TTN: variants seen among roughly 807,000 people sequenced by gnomAD.
TTN encodes titin, also known as connectin.
Under a neutral mutation model 3,223.0 loss-of-function variants are expected in TTN, and 1,525 were observed. The observed-to-expected ratio is 0.47, with a 90% CI of 0.45 to 0.49. The LOEUF (loss-of-function observed/expected upper bound fraction) is 0.49, where lower values mean the gene tolerates loss of function less well. Among genes scored for constraint, TTN ranks in the 20% least tolerant of loss-of-function variants. TTN has a pLI of 0.00. For missense variants in TTN, 40,786 were observed against 43,424.0 expected, an observed-to-expected ratio of 0.94 and a Z score of 5.40; for synonymous variants, 14,094 against 15,161.0, an observed-to-expected ratio of 0.93 and a Z score of 5.17.
intron 150 of TTN, 34 bp from the exon 151 acceptor site, chr2:178,674,443 T>G (rs1422058125): frequency 7.8e-7 from 1 of 1,274,170 alleles, no homozygotes; most frequent in Non-Finnish European, 1.1e-6. Context: ...AAATTATTTT[T>G]ATAATTATTT....
At position 178,734,346 on chromosome 2, in the gene TTN, C is replaced by T. The variant is rs769431165; in HGVS notation, c.15478G>A (p.Ala5160Thr). The change falls in exon 52 of 363, where the codon GCA becomes ACA. Residue 5160 changes from alanine to threonine, a missense_variant. Transcript: ENST00000589042. The part of the protein sequence containing the change: ...ANEVGKCGCM[A>T]THLLKEPPTF... Reference sequence around the variant, plus strand: ...CACTAACCTTTGAGTAAGTGGGTTGCCATGCAGCCACACTTGCCGACTTCA... The same window carrying T: ...CACTAACCTTTGAGTAAGTGGGTTGTCATGCAGCCACACTTGCCGACTTCA... 6.3e-6 allele frequency: 10 copies of T among 1,598,062 alleles called. No individual in the cohort carries two copies. The highest frequency in any genetic ancestry group is 8.5e-6 in the Non-Finnish European group (10 of 1,170,658).
chr2:178,673,898 G>T (rs2067492534), intron 151 of TTN, among the ~76,000 whole-genome samples, 188 bp from the exon 152 acceptor site: 1 of 151,592 alleles, frequency 6.6e-6, no homozygotes, highest in African/African-American at 2.4e-5. Context: ...AATCCTATAA[G>T]CAAATGTAAT....
Position 178,593,996 on chromosome 2 carries a change from C to T in TTN, c.58397G>A (p.Gly19466Asp). Reference sequence around the variant, plus strand: ...AACTTGACAGAAACCTTTCCTAGAGCCTGTACTGTTCTCCACAACCACACA... The same window carrying T: ...AACTTGACAGAAACCTTTCCTAGAGTCTGTACTGTTCTCCACAACCACACA... ...KYCVVVENST[G>D]SRKGFCQVNV... The change falls in exon 297 of 363, where the codon GGC becomes GAC. Residue 19466 changes from glycine to aspartate, a missense_variant. Physicochemically the swap from Gly to Asp is moderately conservative, Grantham distance 94. Transcript: ENST00000589042. The T allele has an allele frequency of 6.2e-7, 1 of 1,613,554 alleles. No homozygotes were observed. Among genetic ancestry groups the T allele is most frequent in the South Asian group, 1.1e-5 (1 of 91,066 alleles).
chr2:178,692,130 G>A (rs1333627337), intron 120 of TTN, 31 bp from the exon 121 acceptor site: 1 of 1,579,358 alleles, frequency 6.3e-7, no homozygotes, highest in Admixed American at 1.7e-5. Flanking sequence ...AAATAATGTG[G>A]AATATTCTAG....
At chr2:178,650,097 A>G in intron 210 of TTN, 67 bp downstream of exon 210, 3 of 1,438,500 alleles carry the variant, frequency 2.1e-6, no homozygotes, top group Non-Finnish European at 1.9e-6. Context: ...TTTTGCCTTA[A>G]GGAAGATATA....
rs1366008715 is a variant in TTN, at chr2:178,616,836, G to C, written c.48053C>G (p.Ala16018Gly). 4 of 1,612,500 alleles carry C rather than the reference G, an allele frequency of 2.5e-6. No individual in the cohort carries two copies. In the African/African-American group the frequency reaches 5.4e-5, roughly 22 times the overall value. ...RVKMKTLSAY[A>G]ELVISPSERS... ...TTCACTTGGAGAAATGACAAGTTCG[G>C]CATAGGCAGACAAGGTCTTCATTTT... is the stretch of plus-strand genomic sequence containing the variant. Residue 16018 changes from alanine to glycine, a missense_variant, in exon 256 of 363, where the codon GCC (alanine) becomes GGC (glycine). Coordinates refer to ENST00000589042, the MANE Select transcript of TTN (RefSeq NM_001267550.2).
At chr2:178,625,545 A>G in intron 240 of TTN, 149 bp from the exon 241 acceptor site, 3 of 803,122 alleles carry the variant, frequency 3.7e-6, no homozygotes, top group South Asian at 7.6e-5. Flanking sequence ...AATCATTTCA[A>G]CCAATAGTTT....
chr2:178,681,272 C>G (rs2069326809), intron 137 of TTN, 101 bp from the exon 138 acceptor site: 2 of 1,430,678 alleles, frequency 1.4e-6, no homozygotes, highest in South Asian at 2.5e-5. Flanking sequence ...AGGACAAGAA[C>G]ATCCTACTCA....
rs2562829 is a variant in TTN at position 178,739,639 on chromosome 2, T to C, written c.13594A>G (p.Thr4532Ala). 14 of 1,613,702 alleles carry C rather than the reference T, an allele frequency of 8.7e-6. No individual in the cohort carries two copies. Among genetic ancestry groups the C allele is most frequent in the African/African-American group, 1.3e-5 (1 of 74,896 alleles). The change falls in exon 48 of 363, where the codon ACT becomes GCT. Residue 4532 changes from threonine to alanine, a missense_variant. Transcript: ENST00000589042. ...PEVESKYLIS[T>A]EEVSYFNVQS... is the part of the protein sequence containing the mutation. ...ACGTTAAAATAACTGACCTCTTCAGTTGAGATCAGATATTTAGATTCAACT... is the reference window on the plus strand; with the variant it reads ...ACGTTAAAATAACTGACCTCTTCAGCTGAGATCAGATATTTAGATTCAACT...
intron 6 of TTN, 132 bp downstream of exon 6, chr2:178,799,355 G>A: frequency 7.1e-7 from 1 of 1,403,776 alleles, no homozygotes; most frequent in Non-Finnish European, 9.8e-7. Context: ...CTAGAGGTTT[G>A]AGCAGCGGGA....
At position 178,685,721 on chromosome 2, in the gene TTN, C is replaced by T. The variant is rs1269532968; in HGVS notation, c.32312-123G>A. 1.2e-5 allele frequency: 10 copies of T among 851,096 alleles called. No individual in the cohort carries two copies. The East Asian group carries it at 1.9e-4, about 16-fold the overall frequency. The allele number at this position is 851,096 out of a possible 1,614,324, so 52.7% of individuals were successfully genotyped here. A position where few individuals can be genotyped will look rare whatever the true frequency, so the allele number is the denominator to read the frequency against. On this transcript the variant is annotated intron_variant, in intron 127 of 362. Transcript: ENST00000589042. ...AAGTTTAACCCTTGCCAAACCCCTG[C>T]TTGTTCCTATTTAAAATACTCAAAG...
chr2:178,680,637 A>G (rs1449332220), intron 138 of TTN, among the ~76,000 whole-genome samples: 1 of 152,032 alleles, frequency 6.6e-6, no homozygotes, highest in Non-Finnish European at 1.5e-5. Flanking sequence ...TTACTTCTCA[A>G]TTAGTATACT....
At chr2:178,594,682 A>C in intron 295 of TTN, 36 bp from the exon 296 acceptor site, 3 of 1,513,240 alleles carry the variant, frequency 2.0e-6, no homozygotes, top group Non-Finnish European at 2.7e-6. Context: ...GGTAGAAAAA[A>C]ATGTCACATT....
chr2:178,609,257 A>C lies in TTN; in HGVS notation c.52053T>G (p.Val17351=). ...RPDHGLYMIK[V]ENDHGIAKAP... ...CTTTTGCAATACCGTGGTCATTTTC[A>C]ACTTTGATCATATACAGACCATGGT... Residue 17351 remains valine (V), a synonymous_variant, in exon 273 of 363, where the codon GTT becomes GTG. Coordinates refer to ENST00000589042, the MANE Select transcript of TTN (RefSeq NM_001267550.2). 6.5e-7 allele frequency: 1 copy of C among 1,537,674 alleles called. No homozygotes were observed. The highest frequency in any genetic ancestry group is 8.7e-7 in the Non-Finnish European group (1 of 1,146,674).
rs1317882644 is a variant in TTN at position 178,654,959 on chromosome 2, TTCTTTTCA to T, written c.38067_38074del (p.Glu12690SerfsTer7). On this transcript the variant is annotated frameshift_variant, in exon 190 of 363. Transcript: ENST00000589042. LOFTEE classifies it high-confidence loss of function. ...CTTTTTAGGAGGAGGCACTGGCACT[TTCTTTTCA>T]GGAACAACTTCTTTGGGAGCCTCAG... The T allele has an allele frequency of 3.1e-5, 21 of 676,166 alleles. No homozygotes were observed. The highest frequency in any genetic ancestry group is 1.8e-4 in the South Asian group (8 of 44,246). The allele number at this position is 676,166 out of a possible 1,614,324, so 41.9% of individuals were successfully genotyped here. A position where few individuals can be genotyped will look rare whatever the true frequency, so the allele number is the denominator to read the frequency against.
Position 178,657,516 on chromosome 2 carries a change from C to T in TTN, c.38020G>A (p.Glu12674Lys). Residue 12674 changes from glutamate to lysine, a missense_variant, in exon 189 of 363, where the codon GAA becomes AAA. Glu to Lys is a moderately conservative substitution (Grantham distance 56). Coordinates refer to ENST00000589042, the MANE Select transcript of TTN (RefSeq NM_001267550.2). The part of the protein sequence containing the change: ...KVPSTPPKKP[E>K]VPPVKVPEAP... ...CAAATACCTTTAACAGGTGGGACTT[C>T]AGGCTTTTTAGGAGGAGTCGAGGGC... is the stretch of plus-strand genomic sequence containing the variant. 1 of 1,579,942 alleles carries T rather than the reference C, an allele frequency of 6.3e-7. No individual in the cohort carries two copies. The highest frequency in any genetic ancestry group is 8.6e-7 in the Non-Finnish European group (1 of 1,167,180).
Position 178,592,643 on chromosome 2 carries a change from G to T in TTN, c.59362C>A (p.Leu19788Ile), listed in dbSNP as rs2050470320. The T allele has an allele frequency of 1.2e-6, 2 of 1,613,002 alleles. No homozygotes were observed. Among genetic ancestry groups the T allele is most frequent in the South Asian group, 1.1e-5 (1 of 91,036 alleles). ...TGTTCTCTTGCCATGTTGGCATCAAGAATCAACTCAGGGGGTTCTAGAATA... is the reference window on the plus strand; with the variant it reads ...TGTTCTCTTGCCATGTTGGCATCAATAATCAACTCAGGGGGTTCTAGAATA... ...KDRLEPPELI[L>I]DANMAREQHI... The change falls in exon 301 of 363, where the codon CTT (leucine) becomes ATT (isoleucine). Residue 19788 changes from leucine to isoleucine, a missense_variant. By Grantham distance (5) the Leu-to-Ile change is conservative (BLOSUM62 2). Transcript: ENST00000589042.
At position 178,537,934 on chromosome 2, in the gene TTN, A is replaced by G. The variant is rs369668859; in HGVS notation, c.99290-17T>C. 81 of 1,573,848 alleles carry G rather than the reference A, an allele frequency of 5.1e-5. No individual in the cohort carries two copies. Among genetic ancestry groups the G allele is most frequent in the Non-Finnish European group, 7.0e-5 (81 of 1,157,604 alleles). ...CCTCTCCAGCTGAACAATATGAAAG[A>G]TAATATTAAGTGACTGTTAATACTC... On this transcript the variant is annotated splice_polypyrimidine_tract_variant and intron_variant, in intron 354 of 362. Transcript: ENST00000589042.
In TTN at chr2:178,635,579, C is replaced by T. The variant is rs780790022; in HGVS notation, c.41745G>A (p.Ala13915=). The T allele has an allele frequency of 1.1e-5, 18 of 1,593,852 alleles. No homozygotes were observed. The highest frequency in any genetic ancestry group is 1.7e-4 in the Middle Eastern group (1 of 6,050). The stretch of plus-strand genomic sequence containing the variant: ...GTATTTCAGTCTTATCATTTGGTTC[C>T]GCAGGGATTTCATCATATCCTTTGA... ...KWFKGYDEIP[A]EPNDKTEILR... is the part of the protein sequence containing the mutation. The change falls in exon 227 of 363, where the codon GCG becomes GCA. Residue 13915 remains alanine (A), a synonymous_variant. Transcript: ENST00000589042.
Sources: gnomAD v4.1 joint callset for allele counts (sites outside exome capture counted in the v4.1 genomes callset) on GRCh38, gnomAD v4.1.1 for gene constraint, MANE v1.5 for transcripts, NCBI Gene and HGNC (gene_info 2026-07-23, HGNC 2026-07-21) for gene names.